The following CCDC66 variants were observed in gnomAD, a reference collection of about 807,000 sequenced individuals.
CCDC66 encodes coiled-coil domain-containing protein 66.
Under a neutral mutation model 128.3 loss-of-function variants are expected in CCDC66, and 133 were observed. The ratio of observed to expected loss-of-function variants is 1.04; its 90% CI spans 0.90 to 1.20. The LOEUF is 1.20. Among genes scored for constraint, CCDC66 ranks in the 50% most tolerant of loss-of-function variants. The pLI is 0.00. For synonymous variants in CCDC66, 387 were observed against 357.0 expected (o/e 1.08, Z -0.95); for missense variants, 1,126 against 1,075.5 (o/e 1.05, Z -0.66).
intron 13 of CCDC66, 132 bp downstream of exon 13, chr3:56,616,185 A>C (rs376818728): frequency 1.2e-4 from 89 of 732,524 alleles, no homozygotes; most frequent in East Asian, 6.8e-4. Context: ...TACAAAATAA[A>C]GGGATAACAG....
intron 14 of CCDC66, 30 bp downstream of exon 14, chr3:56,617,635 TG>T (rs1344879880): frequency 2.6e-6 from 4 of 1,559,820 alleles, no homozygotes; most frequent in Non-Finnish European, 2.6e-6. Context: ...GATGATGTGT[TG>T]ACGTTTCTGG....
At chr3:56,600,925 G>A (rs550923077) in intron 10 of CCDC66, among the ~76,000 whole-genome samples, 19 of 152,074 alleles carry the variant, frequency 1.2e-4, no homozygotes, top group African/African-American at 4.3e-4. Context: ...CCATTCTGTG[G>A]GTTGCCTGTT....
At chr3:56,565,416 G>A (rs1391682510) in intron 4 of CCDC66, among the ~76,000 whole-genome samples, 2 of 150,298 alleles carry the variant, frequency 1.3e-5, no homozygotes, top group Non-Finnish European at 3.0e-5. Context: ...TGGGACTACA[G>A]GCGCATGCCA....
Position 56,617,566 on chromosome 3 carries a change from A to C in CCDC66, c.2298A>C (p.Gln766His). Reference sequence around the variant, plus strand: ...CAGAAATTTTTCATTCATCTCATCAAGAAACGGAGTCAAAGTTGAGGTGGC... The same window carrying C: ...CAGAAATTTTTCATTCATCTCATCACGAAACGGAGTCAAAGTTGAGGTGGC... ...ISPEIFHSSHQETESKLRWHL... is the reference protein window; with the variant it reads ...ISPEIFHSSHHETESKLRWHL... The change falls in exon 14 of 18, where the codon CAA (glutamine) becomes CAC (histidine). Residue 766 changes from glutamine (Q) to histidine (H), a missense_variant. Physicochemically the swap from Gln to His is conservative, Grantham distance 24. Transcript: ENST00000394672. 1 of 1,608,378 alleles carries C rather than the reference A, an allele frequency of 6.2e-7. No homozygotes were observed. Among genetic ancestry groups the C allele is most frequent in the Non-Finnish European group, 8.5e-7 (1 of 1,178,636 alleles).
intron 8 of CCDC66, 129 bp downstream of exon 8, chr3:56,593,230 G>T: frequency 1.2e-6 from 1 of 867,582 alleles, no homozygotes. Flanking sequence ...TTGCCCATGT[G>T]AACCTGTTTC....
At chr3:56,579,879 T>G (rs555725118) in intron 7 of CCDC66, among the ~76,000 whole-genome samples, 1 of 152,036 alleles carries the variant, frequency 6.6e-6, no homozygotes, top group East Asian at 2.0e-4. Context: ...GAAGAATGTT[T>G]ATTCTGTTGA....
At position 56,619,358 on chromosome 3, in the gene CCDC66, T is replaced by C; in HGVS notation, c.2466T>C (p.Tyr822=). The C allele has an allele frequency of 6.2e-7, 1 of 1,613,608 alleles. No individual in the cohort carries two copies. The highest frequency in any genetic ancestry group is 8.5e-7 in the Non-Finnish European group (1 of 1,179,636). ...ATTTACCACTAAAAAACAGTAGCTA[T>C]GAGAGAGAGAATTTGATCTCAGGAA... ...TLHLPLKNSS[Y]ERENLISGSN... Residue 822 remains tyrosine, a synonymous_variant, in exon 16 of 18, where the codon TAT becomes TAC. Transcript: ENST00000394672.
rs1321533789 is a variant in CCDC66, at chr3:56,600,910, G to C, written c.1404+6882G>C. ...GTCAGATGGGTAGATTGCAGAAATT[G>C]TCTGCCATTCTGTGGGTTGCCTGTT... On this transcript the variant is annotated intron_variant, in intron 10 of 17. Coordinates refer to ENST00000394672, the MANE Select transcript of CCDC66 (RefSeq NM_001141947.3). 3.3e-5 allele frequency among the ~76,000 whole-genome samples: 5 copies of C among 151,994 alleles called. 1 individual carries two copies. In the Middle Eastern group the frequency reaches 0.01, roughly 310 times the overall value.
intron 13 of CCDC66, 133 bp downstream of exon 13, chr3:56,616,186 G>C (rs2075483537): frequency 8.2e-6 from 6 of 729,376 alleles, no homozygotes; most frequent in Admixed American, 2.8e-5. Context: ...ACAAAATAAA[G>C]GGATAACAGC....
Position 56,621,692 on chromosome 3 carries a change from A to AT in CCDC66, c.*79dup. 2.0e-6 allele frequency: 2 copies of AT among 995,460 alleles called. No individual in the cohort carries two copies. Among genetic ancestry groups the AT allele is most frequent in the Non-Finnish European group, 3.0e-6 (2 of 661,080 alleles). 61.7% of individuals were successfully genotyped at this position (995,460 alleles called of 1,614,324 possible). Reference sequence around the variant, plus strand: ...AAAATGTGCTCACTGGCTCAACTGTATTTTTCAAATAGCCTAGATTTACTT... The same window carrying AT: ...AAAATGTGCTCACTGGCTCAACTGTATTTTTTCAAATAGCCTAGATTTACTT... On this transcript the variant is annotated 3_prime_UTR_variant, in exon 18 of 18. Coordinates refer to ENST00000394672, the MANE Select transcript of CCDC66 (RefSeq NM_001141947.3).
At chr3:56,579,609 G>C (rs971048429) in intron 7 of CCDC66, among the ~76,000 whole-genome samples, 9 of 58,766 alleles carry the variant, frequency 1.5e-4, no homozygotes, top group African/African-American at 4.2e-4. Flanking sequence ...GGTATGTTGT[G>C]TCTTTGTTCT....
chr3:56,584,722 T>G (rs2069282101), intron 7 of CCDC66, among the ~76,000 whole-genome samples: 2 of 151,760 alleles, frequency 1.3e-5, no homozygotes, highest in South Asian at 4.2e-4. Flanking sequence ...TCTCGGCACT[T>G]TGGGAGGCCA....
Position 56,561,894 on chromosome 3 carries a change from T to C in CCDC66, c.103-1790T>C, listed in dbSNP as rs371874736. On this transcript the variant is annotated intron_variant, in intron 3 of 17. Coordinates refer to ENST00000394672, the MANE Select transcript of CCDC66 (RefSeq NM_001141947.3). ...CAACACCTACAGGTCTCTTTTTTTT[T>C]CCCCCATTTCCCACTGGTTGAATTA... Among the ~76,000 whole-genome samples the C allele has an allele frequency of 2.1e-3, 316 of 152,234 alleles. 1 individual carries two copies. The highest frequency in any genetic ancestry group is 6.4e-3 in the African/African-American group (267 of 41,550).
chr3:56,557,484 C>A (rs569631363), intron 1 of CCDC66, among the ~76,000 whole-genome samples: 3 of 152,218 alleles, frequency 2.0e-5, no homozygotes, highest in Admixed American at 2.0e-4. Flanking sequence ...TTAAAACTGC[C>A]AGTGATCCCC....
chr3:56,617,504 A>T lies in CCDC66; in HGVS notation c.2236A>T (p.Asn746Tyr), dbSNP rs778848438. ...MELLHLVEKN[N>Y]PGHLSQNRGI... ...ATTGCTTCATTTGGTAGAAAAAAAT[A>T]ATCCTGGGCACCTCTCTCAAAACAG... is the stretch of plus-strand genomic sequence containing the variant. Residue 746 changes from asparagine (N) to tyrosine (Y), a missense_variant, in exon 14 of 18, where the codon AAT becomes TAT. Physicochemically the swap from Asn to Tyr is moderately radical, Grantham distance 143. Transcript: ENST00000394672. The T allele has an allele frequency of 6.2e-7, 1 of 1,614,006 alleles. No individual in the cohort carries two copies. The highest frequency in any genetic ancestry group is 1.7e-5 in the Admixed American group (1 of 60,002).
intron 7 of CCDC66, 30 bp from the exon 8 acceptor site, chr3:56,592,940 C>CT (rs1471490723): frequency 6.3e-7 from 1 of 1,596,284 alleles, no homozygotes; most frequent in Non-Finnish European, 8.5e-7. Context: ...GAGAACTGAA[C>CT]TTTAGATGGC....
intron 7 of CCDC66, among the ~76,000 whole-genome samples, chr3:56,587,765 A>T (rs1426720690): frequency 6.6e-6 from 1 of 152,202 alleles, no homozygotes; most frequent in Non-Finnish European, 1.5e-5. Context: ...GCTACTCAGG[A>T]GGCTGAGGCA....
rs752802875 is a variant in CCDC66, at chr3:56,615,990, A to T, written c.1780A>T (p.Ser594Cys). 4 of 1,596,140 alleles carry T rather than the reference A, an allele frequency of 2.5e-6. No homozygotes were observed. In the East Asian group the frequency reaches 9.2e-5, roughly 37 times the overall value. ...TTCAAGACATGATTCTGATGAAATC[A>T]GTGGTAAAATGAATACATATATGAA... Reference protein sequence around the residue: ...SNSRHDSDEISGKMNTYMNST... With the variant: ...SNSRHDSDEICGKMNTYMNST... Residue 594 changes from serine to cysteine, a missense_variant, in exon 13 of 18, where the codon AGT (serine) becomes TGT (cysteine). Ser to Cys is a moderately radical substitution (Grantham distance 112, BLOSUM62 -1). Coordinates refer to ENST00000394672, the MANE Select transcript of CCDC66 (RefSeq NM_001141947.3).
intron 7 of CCDC66, among the ~76,000 whole-genome samples, chr3:56,573,708 GT>G (rs1288881876): frequency 6.6e-6 from 1 of 151,970 alleles, no homozygotes; most frequent in Non-Finnish European, 1.5e-5. Context: ...TGAAGGGCTG[GT>G]TTCTGTTTAG....
Sources: allele counts gnomAD v4.1 joint callset (sites outside exome capture counted in the v4.1 genomes callset), GRCh38; gene constraint gnomAD v4.1.1; transcripts MANE v1.5; gene names NCBI Gene and HGNC (gene_info 2026-07-23, HGNC 2026-07-21).